Variants in DNAJB7 observed in about 807,000 individuals in gnomAD.
DNAJB7 encodes dnaJ homolog subfamily B member 7.
Under a neutral mutation model 1.2 loss-of-function variants are expected in DNAJB7, and 1 was observed. The observed-to-expected ratio is 0.84, with a 90% CI of 0.30 to 4.01. The LOEUF (loss-of-function observed/expected upper bound fraction) is 4.01, where lower values mean the gene tolerates loss of function less well. Among genes scored for constraint, DNAJB7 ranks in the 30% most tolerant of loss-of-function variants. The probability of loss-of-function intolerance (pLI) is 0.18; values close to 1 mark genes in which losing one functional copy is unlikely to be tolerated. For synonymous variants in DNAJB7, 128 were observed against 127.7 expected (o/e 1.00, Z -0.01); for missense variants, 420 against 358.5 (o/e 1.17, Z -1.39).
At position 40,860,561 on chromosome 22, in the gene DNAJB7, G is replaced by C; in HGVS notation, c.*504C>G. 9.9e-7 allele frequency: 1 copy of C among 1,012,712 alleles called. No individual in the cohort carries two copies. Among genetic ancestry groups the C allele is most frequent in the Non-Finnish European group, 1.3e-6 (1 of 745,630 alleles). The allele number at this position is 1,012,712 out of a possible 1,614,324, so 62.7% of individuals were successfully genotyped here. A position where few individuals can be genotyped will look rare whatever the true frequency, so the allele number is the denominator to read the frequency against. The stretch of plus-strand genomic sequence containing the variant: ...AATGCTATGCATGTTTCGTAAGTTT[G>C]TATAGTGGTTTTAATTAGAAAAAAG... On this transcript the variant is annotated 3_prime_UTR_variant, in exon 1 of 1. Coordinates refer to ENST00000307221, the MANE Select transcript of DNAJB7 (RefSeq NM_145174.2).
At position 40,861,379 on chromosome 22, in the gene DNAJB7, C is replaced by G; in HGVS notation, c.616G>C (p.Glu206Gln). Residue 206 changes from glutamate to glutamine, a missense_variant, in exon 1 of 1, where the codon GAA becomes CAA. By Grantham distance (29) the Glu-to-Gln change is conservative (BLOSUM62 2). Transcript: ENST00000307221. ...TCAGCTTCTCTTTCTTGATCACTTT[C>G]AATAATTTTCTTTGTATTAATATTT... ...GRNINTKKII[E>Q]SDQEREAEDN... 6.2e-7 allele frequency: 1 copy of G among 1,613,754 alleles called. No homozygotes were observed. Among genetic ancestry groups the G allele is most frequent in the Non-Finnish European group, 8.5e-7 (1 of 1,179,944 alleles).
chr22:40,861,791 A>C, the DNAJB7 span: 65 of 1,613,416 alleles, frequency 4.0e-5, no homozygotes, highest in South Asian at 6.9e-4. Flanking sequence ...CTTCTGTGCC[A>C]TATTTATCAT....
At position 40,862,108 on chromosome 22, in the gene DNAJB7, T is replaced by C. The variant is rs1438909848; in HGVS notation, c.-114A>G. 10 of 1,500,006 alleles carry C rather than the reference T, an allele frequency of 6.7e-6. No homozygotes were observed. Among genetic ancestry groups the C allele is most frequent in the African/African-American group, 1.4e-5 (1 of 71,092 alleles). The allele number at this position is 1,500,006 out of a possible 1,614,324, so 92.9% of individuals were successfully genotyped here. A position where few individuals can be genotyped will look rare whatever the true frequency, so the allele number is the denominator to read the frequency against. ...TAGTGACTGCAAATAGGTACACTTT[T>C]ATGTTAAAGACAATGTTATTACCAT... is the stretch of plus-strand genomic sequence containing the variant. On this transcript the variant is annotated 5_prime_UTR_variant, in exon 1 of 1. The change creates a new upstream start codon in the 5' untranslated region. Transcript: ENST00000307221.
chr22:40,861,017 C>A lies in DNAJB7; in HGVS notation c.*48G>T. 2 of 1,518,018 alleles carry A rather than the reference C, an allele frequency of 1.3e-6. No homozygotes were observed. The highest frequency in any genetic ancestry group is 1.3e-5 in the South Asian group (1 of 75,246). 94.0% of individuals were successfully genotyped at this position (1,518,018 alleles called of 1,614,324 possible). A position where few individuals can be genotyped will look rare whatever the true frequency, so the allele number is the denominator to read the frequency against. ...GTTATCTACAAAATTTGTGATTAAC[C>A]AAAACACACACAATTGTGTTCAAAT... is the stretch of plus-strand genomic sequence containing the variant. On this transcript the variant is annotated 3_prime_UTR_variant, in exon 1 of 1. Transcript: ENST00000307221.
Position 40,860,635 on chromosome 22 carries a change from T to C in DNAJB7, c.*430A>G, listed in dbSNP as rs1405662911. 2.3e-6 allele frequency: 3 copies of C among 1,276,792 alleles called. No homozygotes were observed. Among genetic ancestry groups the C allele is most frequent in the South Asian group, 1.5e-5 (1 of 66,468 alleles). The allele number at this position is 1,276,792 out of a possible 1,614,324, so 79.1% of individuals were successfully genotyped here. On this transcript the variant is annotated 3_prime_UTR_variant, in exon 1 of 1. Transcript: ENST00000307221. The stretch of plus-strand genomic sequence containing the variant: ...AAAGAAAAATTCAAAAGTAAAAAAC[T>C]CATTGCAGTTTTCCAAATTCCTTTT...
rs748761017 is a variant in DNAJB7, at chr22:40,859,981, G to C, written c.*1084C>G. ...TGATTCACTGATGGCCTACCATACA[G>C]ACTGCTCTGAGGAATTCAGGATAAG... On this transcript the variant is annotated 3_prime_UTR_variant, in exon 1 of 1. Transcript: ENST00000307221. 6.6e-6 allele frequency: 1 copy of C among 152,158 alleles called. No individual in the cohort carries two copies. Among genetic ancestry groups the C allele is most frequent in the Admixed American group, 6.5e-5 (1 of 15,272 alleles). 9.4% of individuals were successfully genotyped at this position (152,158 alleles called of 1,614,324 possible).
chr22:40,861,764 TC>T, the DNAJB7 span: 13 of 1,613,390 alleles, frequency 8.1e-6, no homozygotes, highest in Admixed American at 1.7e-4. Context: ...CAAAATGACT[TC>T]CACCTCCGTT....
chr22:40,861,482 G>C lies in DNAJB7; in HGVS notation c.513C>G (p.Phe171Leu). The C allele has an allele frequency of 6.2e-7, 1 of 1,614,164 alleles. No individual in the cohort carries two copies. The highest frequency in any genetic ancestry group is 8.5e-7 in the Non-Finnish European group (1 of 1,180,022). The part of the protein sequence containing the change: ...GSLGHEGLTS[F>L]SSLAFDNSGM... ...CACTATTATCAAAAGCCAGGGAAGA[G>C]AAAGAAGTAAGGCCTTCATGCCCCA... is the stretch of plus-strand genomic sequence containing the variant. The change falls in exon 1 of 1, where the codon TTC (phenylalanine) becomes TTG (leucine). Residue 171 changes from phenylalanine (F) to leucine (L), a missense_variant. Coordinates refer to ENST00000307221, the MANE Select transcript of DNAJB7 (RefSeq NM_145174.2).
Position 40,860,597 on chromosome 22 carries a change from T to C in DNAJB7, c.*468A>G. The C allele has an allele frequency of 8.1e-7, 1 of 1,240,862 alleles. No individual in the cohort carries two copies. Among genetic ancestry groups the C allele is most frequent in the South Asian group, 1.7e-5 (1 of 57,288 alleles). The allele number at this position is 1,240,862 out of a possible 1,614,324, so 76.9% of individuals were successfully genotyped here. On this transcript the variant is annotated 3_prime_UTR_variant, in exon 1 of 1. Coordinates refer to ENST00000307221, the MANE Select transcript of DNAJB7 (RefSeq NM_145174.2). ...TTAATTAGAAAAAAGAAAAATAGGCTATAAACTCTACTAAAGAAAAATTCA... is the reference window on the plus strand; with the variant it reads ...TTAATTAGAAAAAAGAAAAATAGGCCATAAACTCTACTAAAGAAAAATTCA...
rs1368042436 is a variant in DNAJB7 at position 40,860,725 on chromosome 22, A to G, written c.*340T>C. On this transcript the variant is annotated 3_prime_UTR_variant, in exon 1 of 1. Transcript: ENST00000307221. ...TGGAGTGCAGTGGCGTGATCCCATT[A>G]CACTGCAACCTATGTCTTCCAGGCT... The G allele has an allele frequency of 1.1e-6, 1 of 888,868 alleles. No individual in the cohort carries two copies. The highest frequency in any genetic ancestry group is 1.7e-6 in the Non-Finnish European group (1 of 586,644). The allele number at this position is 888,868 out of a possible 1,614,324, so 55.1% of individuals were successfully genotyped here.
In DNAJB7 at chr22:40,861,842, C is replaced by T. The variant is rs1480596378; in HGVS notation, c.153G>A (p.Glu51=). Residue 51 remains glutamate, a synonymous_variant, in exon 1 of 1, where the codon GAG becomes GAA. Coordinates refer to ENST00000307221, the MANE Select transcript of DNAJB7 (RefSeq NM_145174.2). Reference sequence around the variant, plus strand: ...CATCATTTGATAATACCTCGTATGCCTCAGCTACTTCTTTGAATTTTCTCT... The same window carrying T: ...CATCATTTGATAATACCTCGTATGCTTCAGCTACTTCTTTGAATTTTCTCT... ...EAERKFKEVA[E]AYEVLSNDEK... 5 of 1,613,892 alleles carry T rather than the reference C, an allele frequency of 3.1e-6. No homozygotes were observed. Among genetic ancestry groups the T allele is most frequent in the Non-Finnish European group, 3.4e-6 (4 of 1,180,006 alleles).
rs2057953437 is a variant in DNAJB7, at chr22:40,862,066, G to C, written c.-72C>G. On this transcript the variant is annotated 5_prime_UTR_variant, in exon 1 of 1. Coordinates refer to ENST00000307221, the MANE Select transcript of DNAJB7 (RefSeq NM_145174.2). ...TGGTTTCCTCAGCTCAGGCTCTGCT[G>C]GTGGTGGTGATAGAGGTAGTGACTG... 6.6e-7 allele frequency: 1 copy of C among 1,524,106 alleles called. No individual in the cohort carries two copies. Among genetic ancestry groups the C allele is most frequent in the Non-Finnish European group, 8.7e-7 (1 of 1,143,376 alleles). The allele number at this position is 1,524,106 out of a possible 1,614,324, so 94.4% of individuals were successfully genotyped here.
chr22:40,861,840 G>T lies in DNAJB7; in HGVS notation c.155C>A (p.Ala52Glu). 6.2e-7 allele frequency: 1 copy of T among 1,613,856 alleles called. No homozygotes were observed. ...CTCATCATTTGATAATACCTCGTAT[G>T]CCTCAGCTACTTCTTTGAATTTTCT... ...AERKFKEVAEAYEVLSNDEKR... is the reference protein window; with the variant it reads ...AERKFKEVAEEYEVLSNDEKR... Residue 52 changes from alanine to glutamate, a missense_variant, in exon 1 of 1, where the codon GCA becomes GAA. Coordinates refer to ENST00000307221, the MANE Select transcript of DNAJB7 (RefSeq NM_145174.2).
rs1253460373 is a variant in DNAJB7 at position 40,860,276 on chromosome 22, T to A, written c.*789A>T. On this transcript the variant is annotated 3_prime_UTR_variant, in exon 1 of 1. Transcript: ENST00000307221. ...AAAAAGTTTTTTCATAGAGGACAGG[T>A]CTCATTATGTTACCCGGACTGTCGT... 1 of 152,946 alleles carries A rather than the reference T, an allele frequency of 6.5e-6. No individual in the cohort carries two copies. The highest frequency in any genetic ancestry group is 6.5e-5 in the Admixed American group (1 of 15,288). 9.5% of individuals were successfully genotyped at this position (152,946 alleles called of 1,614,324 possible). A position where few individuals can be genotyped will look rare whatever the true frequency, so the allele number is the denominator to read the frequency against.
At position 40,860,915 on chromosome 22, in the gene DNAJB7, C is replaced by A. The variant is rs2057940162; in HGVS notation, c.*150G>T. On this transcript the variant is annotated 3_prime_UTR_variant, in exon 1 of 1. Transcript: ENST00000307221. ...CACAAACTCATCCTTTTCTGACATA[C>A]CCATTCAAAAAAACTACTAACCAAA... 6.7e-6 allele frequency: 5 copies of A among 745,398 alleles called. No individual in the cohort carries two copies. Among genetic ancestry groups the A allele is most frequent in the East Asian group, 2.8e-5 (1 of 36,322 alleles). The allele number at this position is 745,398 out of a possible 1,614,324, so 46.2% of individuals were successfully genotyped here. A position where few individuals can be genotyped will look rare whatever the true frequency, so the allele number is the denominator to read the frequency against.
chr22:40,861,728 T>C lies in DNAJB7; in HGVS notation c.267A>G (p.Thr89=), dbSNP rs2057949095. Residue 89 remains threonine (T), a synonymous_variant, in exon 1 of 1, where the codon ACA becomes ACG. Coordinates refer to ENST00000307221, the MANE Select transcript of DNAJB7 (RefSeq NM_145174.2). The part of the protein sequence containing the change: ...HFDDECEYGF[T]FHKPDDVFKE... Reference sequence around the variant, plus strand: ...TAAAAACATCATCTGGCTTATGGAATGTGAAGCCGTACTCACATTCATCAT... The same window carrying C: ...TAAAAACATCATCTGGCTTATGGAACGTGAAGCCGTACTCACATTCATCAT... 1.2e-6 allele frequency: 2 copies of C among 1,614,056 alleles called. No homozygotes were observed. Among genetic ancestry groups the C allele is most frequent in the Non-Finnish European group, 1.7e-6 (2 of 1,179,994 alleles).
In DNAJB7 at chr22:40,861,304, C is replaced by G. The variant is rs2057944558; in HGVS notation, c.691G>C (p.Glu231Gln). 2 of 1,614,170 alleles carry G rather than the reference C, an allele frequency of 1.2e-6. No individual in the cohort carries two copies. Among genetic ancestry groups the G allele is most frequent in the Non-Finnish European group, 1.7e-6 (2 of 1,180,032 alleles). ...CAGCTGCATTCTTTTGCAAAGCCCT[C>G]TTCATTGGCCACACTATTTACAAGA... The part of the protein sequence containing the change: ...FFLVNSVANE[E>Q]GFAKECSWRT... Residue 231 changes from glutamate (E) to glutamine (Q), a missense_variant, in exon 1 of 1, where the codon GAG (glutamate) becomes CAG (glutamine). Coordinates refer to ENST00000307221, the MANE Select transcript of DNAJB7 (RefSeq NM_145174.2).
At position 40,861,971 on chromosome 22, in the gene DNAJB7, T is replaced by C; in HGVS notation, c.24A>G (p.Leu8=). The part of the protein sequence containing the change: MVDYYEV[L]GLQRYASPED... Reference sequence around the variant, plus strand: ...CAGGTGAAGCATATCTTTGCAGTCCTAGAACTTCATAGTAATCCACCATGT... The same window carrying C: ...CAGGTGAAGCATATCTTTGCAGTCCCAGAACTTCATAGTAATCCACCATGT... The change falls in exon 1 of 1, where the codon CTA becomes CTG. Residue 8 remains leucine (L), a synonymous_variant. Coordinates refer to ENST00000307221, the MANE Select transcript of DNAJB7 (RefSeq NM_145174.2). 1 of 1,601,234 alleles carries C rather than the reference T, an allele frequency of 6.2e-7. No individual in the cohort carries two copies. Among genetic ancestry groups the C allele is most frequent in the South Asian group, 1.1e-5 (1 of 88,628 alleles).
rs767225954 is a variant in DNAJB7, at chr22:40,862,002, C to T, written c.-8G>A. ...TTCATAGTAATCCACCATGTTTTAA[C>T]AGATAGTTGGAAGTGGGTGTGCTGG... On this transcript the variant is annotated 5_prime_UTR_variant, in exon 1 of 1. Transcript: ENST00000307221. 1.3e-6 allele frequency: 2 copies of T among 1,575,802 alleles called. No homozygotes were observed. Among genetic ancestry groups the T allele is most frequent in the Admixed American group, 1.9e-5 (1 of 53,008 alleles).
Sources: allele counts gnomAD v4.1 joint callset, GRCh38; gene constraint gnomAD v4.1.1; transcripts MANE v1.5; gene names NCBI Gene and HGNC (gene_info 2026-07-23, HGNC 2026-07-21).